Variants in TBC1D22A observed in about 807,000 individuals in gnomAD.
TBC1D22A encodes the protein putative GTPase activator.
TBC1D22A carries 38 observed loss-of-function variants against 60.2 expected under a neutral mutation model. The observed-to-expected ratio is 0.63, with a 90% confidence interval of 0.49 to 0.83. The LOEUF (loss-of-function observed/expected upper bound fraction) is 0.83, where lower values mean the gene tolerates loss of function less well. Among genes scored for constraint, TBC1D22A ranks in the 40% least tolerant of loss-of-function variants. The probability of loss-of-function intolerance (pLI) is 0.00; values close to 1 mark genes in which losing one functional copy is unlikely to be tolerated. For synonymous variants in TBC1D22A, 302 were observed against 281.7 expected, an observed-to-expected ratio of 1.07 and a Z score of -0.72; for missense variants, 628 against 701.0, an observed-to-expected ratio of 0.90 and a Z score of 1.18.
intron 9 of TBC1D22A, among the ~76,000 whole-genome samples, chr22:46,987,895 G>A (rs1274044154): frequency 4.5e-4 from 69 of 152,186 alleles, no homozygotes; most frequent in Non-Finnish European, 7.3e-5. Context: ...TTTATCCACA[G>A]TAGGACTTCT....
At chr22:46,798,155 C>T (rs999791340) in intron 4 of TBC1D22A, among the ~76,000 whole-genome samples, 1 of 152,230 alleles carries the variant, frequency 6.6e-6, no homozygotes, top group Non-Finnish European at 1.5e-5. Context: ...GGGCTTAAGG[C>T]GTGATCCACC....
rs1267842405 is a variant in TBC1D22A, at chr22:46,963,191, A to G, written c.1016-11099A>G. 3.4e-5 allele frequency among the ~76,000 whole-genome samples: 5 copies of G among 146,738 alleles called. No homozygotes were observed. In the South Asian group the frequency reaches 8.7e-4, roughly 25 times the overall value. ...AGCCAAGAAGGAGCGCCACCGCACT[A>G]TAGCCCGGGTGACAGAGCAAGACTC... On this transcript the variant is annotated intron_variant, in intron 8 of 12. Transcript: ENST00000337137.
rs545048770 is a variant in TBC1D22A, at chr22:46,802,842, C to A, written c.637+5222C>A. Among the ~76,000 whole-genome samples the A allele has an allele frequency of 5.2e-3, 664 of 127,008 alleles. 2 individuals are homozygous for A. Among genetic ancestry groups the A allele is most frequent in the Non-Finnish European group, 8.7e-3 (536 of 61,322 alleles). The allele number at this position is 127,008 out of a possible 152,430, so 83.3% of individuals were successfully genotyped here. ...AGGGGGCAAGAGTGGAGGCCGTGGG[C>A]TGGGGATGTGGGTGGGGTGGGCTGC... On this transcript the variant is annotated intron_variant, in intron 4 of 12. Transcript: ENST00000337137.
intron 4 of TBC1D22A, among the ~76,000 whole-genome samples, chr22:46,852,899 G>A (rs892395676): frequency 2.6e-5 from 4 of 152,180 alleles, no homozygotes; most frequent in East Asian, 1.9e-4. Context: ...CATCTCTGCC[G>A]ACTGAGGTCC....
chr22:47,027,994 A>G (rs929890938), intron 10 of TBC1D22A, among the ~76,000 whole-genome samples: 3 of 152,276 alleles, frequency 2.0e-5, no homozygotes, highest in Admixed American at 6.5e-5. Flanking sequence ...CGGCTCCGTC[A>G]TCTGCATTTT....
intron 11 of TBC1D22A, among the ~76,000 whole-genome samples, chr22:47,101,232 T>A (rs1405716130): frequency 6.6e-6 from 1 of 152,236 alleles, no homozygotes; most frequent in African/African-American, 2.4e-5. Context: ...TCCTAAAATA[T>A]TCCTGACTCG....
chr22:47,007,054 C>T (rs1602961544), intron 10 of TBC1D22A, among the ~76,000 whole-genome samples: 1 of 152,178 alleles, frequency 6.6e-6, no homozygotes, highest in East Asian at 1.9e-4. Context: ...TGGTGCGGTA[C>T]ACCTGCTGGG....
rs62225150 is a variant in TBC1D22A at position 47,088,950 on chromosome 22, G to C, written c.1330-22558G>C. Among the ~76,000 whole-genome samples the C allele has an allele frequency of 5.7e-3, 863 of 152,300 alleles. 7 individuals carry two copies. The highest frequency in any genetic ancestry group is 9.0e-3 in the Non-Finnish European group (613 of 68,030). ...TTTAGACCGCAGTCCTGCTTGCAGG[G>C]AGTACCAGGGAAGGGGGAAACGGAT... On this transcript the variant is annotated intron_variant, in intron 11 of 12. Coordinates refer to ENST00000337137, the MANE Select transcript of TBC1D22A (RefSeq NM_014346.5).
chr22:46,955,371 C>T (rs1298224382), intron 8 of TBC1D22A, among the ~76,000 whole-genome samples: 3 of 152,170 alleles, frequency 2.0e-5, no homozygotes, highest in Non-Finnish European at 4.4e-5. Flanking sequence ...TTTTAGCAGT[C>T]TTTCATGTTT....
chr22:47,076,843 G>T (rs2064249064), intron 11 of TBC1D22A, among the ~76,000 whole-genome samples: 1 of 152,236 alleles, frequency 6.6e-6, no homozygotes, highest in South Asian at 2.1e-4. Context: ...ACATCTGTGG[G>T]ACTGTGAGAT....
intron 7 of TBC1D22A, among the ~76,000 whole-genome samples, chr22:46,906,274 AGAAGGTGAGTTTAGATCCATAATTACATG>A (rs548957180): frequency 7.9e-4 from 121 of 152,344 alleles, no homozygotes; most frequent in African/African-American, 2.8e-3. Flanking sequence ...ATAAGCAGCC[AGAAGGTGAGTTTAGATCCATAATTACATG>A]GAGAGCAAGG....
intron 9 of TBC1D22A, among the ~76,000 whole-genome samples, chr22:46,983,516 C>G (rs918170831): frequency 1.3e-5 from 2 of 152,122 alleles, no homozygotes; most frequent in African/African-American, 2.4e-5. Flanking sequence ...GAGTTTCACT[C>G]TGTGTGTGTC....
chr22:46,927,552 A>G (rs988537610), intron 8 of TBC1D22A, among the ~76,000 whole-genome samples: 1 of 152,226 alleles, frequency 6.6e-6, no homozygotes, highest in Non-Finnish European at 1.5e-5. Context: ...ATGGATATCT[A>G]CTTTCTCCAC....
At chr22:47,100,674 C>G (rs1186197153) in intron 11 of TBC1D22A, among the ~76,000 whole-genome samples, 1 of 152,200 alleles carries the variant, frequency 6.6e-6, no homozygotes, top group Non-Finnish European at 1.5e-5. Flanking sequence ...GTGACTTGCT[C>G]CTCTTTTCCT....
chr22:47,061,685 C>T (rs1211188125), intron 11 of TBC1D22A, among the ~76,000 whole-genome samples: 2 of 152,094 alleles, frequency 1.3e-5, no homozygotes, highest in Non-Finnish European at 2.9e-5. Context: ...AGAGATTTAG[C>T]CAGGATTTTG....
intron 4 of TBC1D22A, among the ~76,000 whole-genome samples, chr22:46,833,501 A>G (rs1018058142): frequency 6.6e-6 from 1 of 152,236 alleles, no homozygotes; most frequent in Non-Finnish European, 1.5e-5. Flanking sequence ...ACTGGGCTCA[A>G]GCTGCCTTGC....
At chr22:46,882,575 G>A (rs1013414203) in intron 5 of TBC1D22A, among the ~76,000 whole-genome samples, 1 of 152,154 alleles carries the variant, frequency 6.6e-6, no homozygotes, top group African/African-American at 2.4e-5. Flanking sequence ...GCTGGCCTGG[G>A]GCGTTGGAGG....
intron 1 of TBC1D22A, among the ~76,000 whole-genome samples, chr22:46,780,901 C>T (rs2083905801): frequency 6.6e-6 from 1 of 152,236 alleles, no homozygotes; most frequent in African/African-American, 2.4e-5. Context: ...AGTAGATTCT[C>T]AGCAAGTATT....
At chr22:46,796,756 C>T (rs743142) in intron 3 of TBC1D22A, among the ~76,000 whole-genome samples, 80,239 of 144,700 alleles carry the variant, frequency 0.55, 22,927 homozygotes, top group Middle Eastern at 0.71. Flanking sequence ...GGAGGGCGGG[C>T]AGCTTGTACT....
Sources: allele counts gnomAD v4.1 joint callset (sites outside exome capture counted in the v4.1 genomes callset), GRCh38; gene constraint gnomAD v4.1.1; transcripts MANE v1.5; gene names NCBI Gene and HGNC (gene_info 2026-07-23, HGNC 2026-07-21).